KLRD1: variants seen among roughly 807,000 people sequenced by gnomAD.
The protein encoded by KLRD1 is killer cell lectin like receptor D1.
In KLRD1, 21 loss-of-function variants were observed where a neutral mutation model predicts 22.6. The ratio of observed to expected loss-of-function variants is 0.93; its 90% CI spans 0.66 to 1.34. The LOEUF is 1.34. Ranked by LOEUF, KLRD1 falls within the 40% of genes most tolerant of loss-of-function variation. The pLI, the probability that KLRD1 is intolerant of heterozygous loss-of-function variation, is 0.00. For missense variants in KLRD1, 183 were observed against 208.6 expected (o/e 0.88, Z 0.76); for synonymous variants, 59 against 71.1 (o/e 0.83, Z 0.85).
chr12:10,266,706 CACAT>C (rs1949502447), intron 1 of KLRD1, among the ~76,000 whole-genome samples: 1 of 151,788 alleles, frequency 6.6e-6, no homozygotes, highest in Non-Finnish European at 1.5e-5. Context: ...TATATGTACA[CACAT>C]ATATATGCAC....
chr12:10,318,144 G>A lies in KLRD1; in HGVS notation c.*3351G>A, dbSNP rs1565477404. ...TCATATTGCATGCATAAGAAAGTGAGTTATTTTACAGCTGAACTGGGACAG... is the reference window on the plus strand; with the variant it reads ...TCATATTGCATGCATAAGAAAGTGAATTATTTTACAGCTGAACTGGGACAG... On this transcript the variant is annotated 3_prime_UTR_variant, in exon 6 of 6. Transcript: ENST00000336164. 2.0e-5 allele frequency: 3 copies of A among 152,172 alleles called. No homozygotes were observed. The highest frequency in any genetic ancestry group is 2.0e-4 in the Admixed American group (3 of 15,270). The allele number at this position is 152,172 out of a possible 1,614,324, so 9.4% of individuals were successfully genotyped here. A position where few individuals can be genotyped will look rare whatever the true frequency, so the allele number is the denominator to read the frequency against.
chr12:10,239,317 G>C (rs898697923), intron 1 of KLRD1, among the ~76,000 whole-genome samples: 1 of 152,166 alleles, frequency 6.6e-6, no homozygotes, highest in African/African-American at 2.4e-5. Context: ...CACAAAGATA[G>C]AGAATTGCTT....
intron 1 of KLRD1, among the ~76,000 whole-genome samples, chr12:10,268,552 T>A (rs1949520980): frequency 1.3e-5 from 2 of 152,220 alleles, no homozygotes; most frequent in African/African-American, 4.8e-5. Context: ...TTATTTTGAT[T>A]GTTTCTTTCC....
At chr12:10,245,720 C>CA (rs1366179261) in intron 1 of KLRD1, among the ~76,000 whole-genome samples, 1 of 152,210 alleles carries the variant, frequency 6.6e-6, no homozygotes, top group Non-Finnish European at 1.5e-5. Context: ...ACTTCCATGA[C>CA]AGTCAAAGTA....
At chr12:10,287,656 C>T (rs1487125884) in intron 1 of KLRD1, among the ~76,000 whole-genome samples, 4 of 152,012 alleles carry the variant, frequency 2.6e-5, no homozygotes, top group South Asian at 2.1e-4. Context: ...AATGGAGAAA[C>T]GAGGAAATAA....
At chr12:10,263,097 G>A (rs1471385781) in intron 1 of KLRD1, among the ~76,000 whole-genome samples, 1 of 151,918 alleles carries the variant, frequency 6.6e-6, no homozygotes, top group African/African-American at 2.4e-5. Context: ...CTTCTTCACA[G>A]TAACATAGCT....
rs567338196 is a variant in KLRD1 at position 10,261,260 on chromosome 12, A to G, written c.-101+35027A>G. Among the ~76,000 whole-genome samples, 14 of 152,344 alleles carry G rather than the reference A, an allele frequency of 9.2e-5. No individual in the cohort carries two copies. The South Asian group carries it at 2.9e-3, about 32-fold the overall frequency. ...AATACTGTATGGAAATTTTCAGCAT[A>G]TATGCCATAAATTTACCATCATTGA... On this transcript the variant is annotated intron_variant, in intron 1 of 5. Coordinates refer to the KLRD1 transcript ENST00000544747.
At chr12:10,287,319 A>G (rs533991253) in intron 1 of KLRD1, among the ~76,000 whole-genome samples, 37 of 152,258 alleles carry the variant, frequency 2.4e-4, no homozygotes, top group Middle Eastern at 3.4e-3. Context: ...GTCAATAAGT[A>G]TTTGCTGGTA....
At chr12:10,297,776 G>A (rs1358970704) in intron 1 of KLRD1, among the ~76,000 whole-genome samples, 3 of 152,142 alleles carry the variant, frequency 2.0e-5, no homozygotes, top group South Asian at 2.1e-4. Context: ...TTAATGGTTC[G>A]GAGTTCTGCA....
chr12:10,296,239 G>A (rs117569667), intron 1 of KLRD1, among the ~76,000 whole-genome samples: 1,842 of 152,194 alleles, frequency 0.012, 19 homozygotes, highest in Non-Finnish European at 0.022. Context: ...AAAGGAGGCC[G>A]GGCACAGTGG....
At chr12:10,290,243 A>C (rs1302977035) in intron 1 of KLRD1, among the ~76,000 whole-genome samples, 2 of 152,162 alleles carry the variant, frequency 1.3e-5, no homozygotes, top group Non-Finnish European at 1.5e-5. Context: ...GCAAACATCT[A>C]CCATGGCAAA....
At chr12:10,258,093 G>T (rs1949416654) in intron 1 of KLRD1, among the ~76,000 whole-genome samples, 1 of 151,780 alleles carries the variant, frequency 6.6e-6, no homozygotes, top group Non-Finnish European at 1.5e-5. Context: ...ATAATTGTAG[G>T]GAGACAAACT....
chr12:10,303,664 T>C (rs760183055), upstream of KLRD1, among the ~76,000 whole-genome samples: 11 of 152,214 alleles, frequency 7.2e-5, no homozygotes, highest in Non-Finnish European at 1.5e-4. Context: ...TAAATATTTT[T>C]AGGGGACATA....
chr12:10,260,959 A>G (rs1416861194), intron 1 of KLRD1, among the ~76,000 whole-genome samples: 1 of 30,306 alleles, frequency 3.3e-5, no homozygotes, highest in African/African-American at 4.7e-5. Flanking sequence ...AACAACAACA[A>G]AAAACCAAAA....
chr12:10,270,600 C>T (rs1194576368), intron 1 of KLRD1, among the ~76,000 whole-genome samples: 1 of 152,106 alleles, frequency 6.6e-6, no homozygotes, highest in East Asian at 1.9e-4. Context: ...TATACCTCAG[C>T]TTGTGGGGAG....
chr12:10,239,434 T>TTTC (rs1949214015), intron 1 of KLRD1, among the ~76,000 whole-genome samples: 1 of 41,402 alleles, frequency 2.4e-5, no homozygotes, highest in Non-Finnish European at 4.9e-5. Flanking sequence ...CCTTCCTTCC[T>TTTC]TTCCTTCCTT....
At position 10,288,659 on chromosome 12, in the gene KLRD1, C is replaced by G. The variant is rs957494514; in HGVS notation, c.-100-19319C>G. ...GATGAAGTAAAAGTTATAAAATAAT[C>G]AAACACAGAGCCTGGCATAAAGTAA... On this transcript the variant is annotated intron_variant, in intron 1 of 5. Transcript: ENST00000544747. Among the ~76,000 whole-genome samples the G allele has an allele frequency of 3.5e-4, 53 of 152,048 alleles. 1 individual carries two copies. The highest frequency in any genetic ancestry group is 1.2e-3 in the African/African-American group (50 of 41,402).
intron 1 of KLRD1, among the ~76,000 whole-genome samples, chr12:10,290,516 A>ATGTCC (rs1949758060): frequency 6.6e-6 from 1 of 152,210 alleles, no homozygotes; most frequent in Non-Finnish European, 1.5e-5. Context: ...TATTTATATT[A>ATGTCC]AAGAAAGCAT....
intron 1 of KLRD1, among the ~76,000 whole-genome samples, chr12:10,250,470 T>A (rs539078883): frequency 3.9e-5 from 6 of 152,114 alleles, no homozygotes; most frequent in Non-Finnish European, 5.9e-5. Flanking sequence ...TTCTTTTCTT[T>A]TTTTGAGACG....
Sources: allele counts gnomAD v4.1 joint callset (sites outside exome capture counted in the v4.1 genomes callset), GRCh38; gene constraint gnomAD v4.1.1; transcripts MANE v1.5; gene names NCBI Gene and HGNC (gene_info 2026-07-23, HGNC 2026-07-21).